The following CRISPLD2 variants were observed in gnomAD, a reference collection of about 807,000 sequenced individuals.
CRISPLD2 encodes the protein cysteine-rich secretory protein LCCL domain-containing 2.
CRISPLD2 carries 47 observed loss-of-function variants against 71.1 expected under a neutral mutation model. The observed-to-expected ratio is 0.66, with a 90% CI of 0.52 to 0.84. The LOEUF is 0.84. Among genes scored for constraint, CRISPLD2 ranks in the 40% least tolerant of loss-of-function variants. CRISPLD2 has a pLI of 0.00. For synonymous variants in CRISPLD2, 317 were observed against 250.1 expected (o/e 1.27, Z -2.52); for missense variants, 830 against 651.1 (o/e 1.27, Z -2.99).
intron 1 of CRISPLD2, among the ~76,000 whole-genome samples, chr16:84,823,865 C>T (rs1182688554): frequency 1.3e-5 from 2 of 152,154 alleles, no homozygotes; most frequent in Non-Finnish European, 2.9e-5. Context: ...ATCCCAATTT[C>T]TGGAACGTGT....
intron 1 of CRISPLD2, among the ~76,000 whole-genome samples, chr16:84,827,805 G>A (rs1002887663): frequency 6.6e-6 from 1 of 152,080 alleles, no homozygotes; most frequent in African/African-American, 2.4e-5. Context: ...GACCTCAGGT[G>A]ATCTGCCCTT....
intron 14 of CRISPLD2, among the ~76,000 whole-genome samples, chr16:84,900,475 A>G (rs2071743472): frequency 6.6e-6 from 1 of 152,024 alleles, no homozygotes; most frequent in Non-Finnish European, 1.5e-5. Context: ...AATGAAAATG[A>G]TATCTGGATG....
In CRISPLD2 at chr16:84,845,742, C is replaced by T. The variant is rs201823135; in HGVS notation, c.241-44C>T. On this transcript the variant is annotated intron_variant, in intron 2 of 14. Transcript: ENST00000262424. ...CTGTATTTATGGTTCTTATGCCCCTCCCTCACCCTCACCTCCTGGTGCCCG... is the reference window on the plus strand; with the variant it reads ...CTGTATTTATGGTTCTTATGCCCCTTCCTCACCCTCACCTCCTGGTGCCCG... 4.2e-5 allele frequency: 56 copies of T among 1,330,250 alleles called. No individual in the cohort carries two copies. In the African/African-American group the frequency reaches 7.6e-4, roughly 18 times the overall value. The allele number at this position is 1,330,250 out of a possible 1,614,324, so 82.4% of individuals were successfully genotyped here.
At chr16:84,836,010 G>A (rs1379364649) in intron 1 of CRISPLD2, among the ~76,000 whole-genome samples, 2 of 152,176 alleles carry the variant, frequency 1.3e-5, no homozygotes, top group African/African-American at 2.4e-5. Flanking sequence ...GCACTGCCCT[G>A]AAGCCACGTG....
At chr16:84,858,402 T>A (rs570353255) in intron 6 of CRISPLD2, among the ~76,000 whole-genome samples, 1 of 152,338 alleles carries the variant, frequency 6.6e-6, no homozygotes, top group South Asian at 2.1e-4. Flanking sequence ...CTTTCTTGAT[T>A]GTAGGAGGGG....
rs200575316 is a variant in CRISPLD2 at position 84,873,025 on chromosome 16, G to A, written c.1015G>A (p.Gly339Arg). The A allele has an allele frequency of 1.4e-5, 22 of 1,613,740 alleles. No individual in the cohort carries two copies. Among genetic ancestry groups the A allele is most frequent in the Admixed American group, 1.7e-5 (1 of 59,978 alleles). Residue 339 changes from glycine (G) to arginine (R), a missense_variant, in exon 10 of 15, where the codon GGG becomes AGG. Gly to Arg is a moderately radical substitution (Grantham distance 125, BLOSUM62 -2). Coordinates refer to ENST00000262424, the MANE Select transcript of CRISPLD2 (RefSeq NM_031476.4). ...SSICRAAIHY[G>R]ILDDKGGLVD... The stretch of plus-strand genomic sequence containing the variant: ...CATATGCCGCGCCGCCATCCACTAC[G>A]GGATCCTGGATGACAAGGGAGGCCT...
rs574704065 is a variant in CRISPLD2 at position 84,850,702 on chromosome 16, G to A, written c.608+19G>A. On this transcript the variant is annotated intron_variant, in intron 5 of 14. Transcript: ENST00000262424. Reference sequence around the variant, plus strand: ...CTCCAAAGTAAGACAAGTTGATGCCGTTGTATGGGGTGGGGGTTGGGATGT... The same window carrying A: ...CTCCAAAGTAAGACAAGTTGATGCCATTGTATGGGGTGGGGGTTGGGATGT... 45 of 1,585,364 alleles carry A rather than the reference G, an allele frequency of 2.8e-5. No individual in the cohort carries two copies. Among genetic ancestry groups the A allele is most frequent in the Admixed American group, 2.2e-4 (13 of 59,996 alleles).
intron 14 of CRISPLD2, among the ~76,000 whole-genome samples, chr16:84,900,745 GT>G (rs1410643092): frequency 2.0e-5 from 3 of 152,122 alleles, no homozygotes; most frequent in Non-Finnish European, 4.4e-5. Flanking sequence ...CAATGACATT[GT>G]TTGCAAAGGT....
chr16:84,838,302 C>A, intron 1 of CRISPLD2, 120 bp from the exon 2 acceptor site: 1 of 651,804 alleles, frequency 1.5e-6, no homozygotes, highest in Non-Finnish European at 2.6e-6. Flanking sequence ...CTTCTGTGGG[C>A]CTCAGTTTCC....
At chr16:84,825,172 G>T (rs1387167018) in intron 1 of CRISPLD2, among the ~76,000 whole-genome samples, 12 of 152,174 alleles carry the variant, frequency 7.9e-5, no homozygotes, top group African/African-American at 2.2e-4. Flanking sequence ...CTTGGGAAGG[G>T]GGATATTCAA....
rs200065021 is a variant in CRISPLD2 at position 84,850,664 on chromosome 16, G to A, written c.589G>A (p.Val197Ile). ...AGTTTGGGAGAACGCGGTCTACTTT[G>A]TCTGCAATTATTCTCCAAAGTAAGA... ...GEVWENAVYFVCNYSPKGNWI... is the reference protein window; with the variant it reads ...GEVWENAVYFICNYSPKGNWI... Residue 197 changes from valine (V) to isoleucine (I), a missense_variant, in exon 5 of 15, where the codon GTC becomes ATC. Coordinates refer to ENST00000262424, the MANE Select transcript of CRISPLD2 (RefSeq NM_031476.4). 1.1e-5 allele frequency: 18 copies of A among 1,613,896 alleles called. No homozygotes were observed. Among genetic ancestry groups the A allele is most frequent in the Non-Finnish European group, 1.5e-5 (18 of 1,179,886 alleles).
chr16:84,858,682 T>G (rs1197030943), intron 6 of CRISPLD2, among the ~76,000 whole-genome samples: 3 of 152,324 alleles, frequency 2.0e-5, no homozygotes, highest in Middle Eastern at 3.4e-3. Context: ...TGAATCAGAT[T>G]ATGACACAAA....
chr16:84,856,952 C>T (rs920768024), intron 6 of CRISPLD2, among the ~76,000 whole-genome samples: 3 of 152,182 alleles, frequency 2.0e-5, no homozygotes, highest in African/African-American at 2.4e-5. Flanking sequence ...AAGCATTGCA[C>T]GCAAAATGGG....
intron 1 of CRISPLD2, among the ~76,000 whole-genome samples, chr16:84,833,763 G>A (rs1029835797): frequency 7.9e-5 from 12 of 152,272 alleles, no homozygotes; most frequent in Non-Finnish European, 1.5e-4. Flanking sequence ...TCACCATGAT[G>A]CGAGGGTCTC....
intron 1 of CRISPLD2, among the ~76,000 whole-genome samples, chr16:84,825,362 A>C (rs2143132523): frequency 6.6e-6 from 1 of 152,312 alleles, no homozygotes; most frequent in Admixed American, 6.5e-5. Flanking sequence ...CAGGAGTTCG[A>C]GTCCAGCTTG....
At chr16:84,891,378 A>T (rs977820775) in intron 14 of CRISPLD2, among the ~76,000 whole-genome samples, 1 of 152,156 alleles carries the variant, frequency 6.6e-6, no homozygotes, top group Non-Finnish European at 1.5e-5. Flanking sequence ...ACTTGTACCC[A>T]GATCGTGCCC....
At chr16:84,883,357 C>G (rs1323436284) in intron 13 of CRISPLD2, among the ~76,000 whole-genome samples, 1 of 152,226 alleles carries the variant, frequency 6.6e-6, no homozygotes, top group East Asian at 1.9e-4. Flanking sequence ...ACTGCATTTC[C>G]TGGCAGACCC....
chr16:84,900,220 T>C (rs1296422758), intron 14 of CRISPLD2, among the ~76,000 whole-genome samples: 1 of 151,982 alleles, frequency 6.6e-6, no homozygotes, highest in Non-Finnish European at 1.5e-5. Flanking sequence ...AATTCCAGGG[T>C]AGCCAAAAGT....
intron 3 of CRISPLD2, 59 bp downstream of exon 3, chr16:84,845,963 C>G: frequency 3.6e-6 from 4 of 1,103,190 alleles, no homozygotes; most frequent in Non-Finnish European, 5.4e-6. Flanking sequence ...GTGCCGGGCT[C>G]AGCACTTGTG....
Sources: allele counts gnomAD v4.1 joint callset (sites outside exome capture counted in the v4.1 genomes callset), GRCh38; gene constraint gnomAD v4.1.1; transcripts MANE v1.5; gene names NCBI Gene and HGNC (gene_info 2026-07-23, HGNC 2026-07-21).